Variants in RAPH1 observed in about 807,000 individuals in gnomAD.
RAPH1 encodes Ras association (RalGDS/AF-6) and pleckstrin homology domains 1.
In RAPH1, 18 loss-of-function variants were observed where a neutral mutation model predicts 88.1. The ratio of observed to expected loss-of-function variants is 0.20; its 90% CI spans 0.14 to 0.30. RAPH1 has a LOEUF of 0.30. RAPH1 is among the 10% of genes least tolerant of loss of function. The pLI is 1.00. For synonymous variants in RAPH1, 587 were observed against 559.0 expected (o/e 1.05, Z -0.71); for missense variants, 1,448 against 1,543.2 (o/e 0.94, Z 1.03).
At chr2:203,461,551 T>C in intron 5 of RAPH1, 143 bp from the exon 6 acceptor site, 1 of 583,284 alleles carries the variant, frequency 1.7e-6, no homozygotes, top group African/African-American at 1.9e-5. Context: ...TGCAAAAATA[T>C]AGGCTAAAAA....
At chr2:203,487,276 T>C (rs1688012462) in intron 4 of RAPH1, among the ~76,000 whole-genome samples, 1 of 152,158 alleles carries the variant, frequency 6.6e-6, no homozygotes, top group Admixed American at 6.5e-5. Flanking sequence ...CCTAATAAAA[T>C]ATTGCTCATA....
intron 4 of RAPH1, among the ~76,000 whole-genome samples, chr2:203,464,444 T>A (rs1006250987): frequency 6.6e-6 from 1 of 152,204 alleles, no homozygotes; most frequent in Non-Finnish European, 1.5e-5. Context: ...GCTAATTTTG[T>A]ATTTTTAGAA....
chr2:203,459,309 A>G (rs1316564872), intron 7 of RAPH1, among the ~76,000 whole-genome samples: 3 of 152,220 alleles, frequency 2.0e-5, no homozygotes, highest in Non-Finnish European at 2.9e-5. Flanking sequence ...CACTGCTGCT[A>G]TTTTTCTTCA....
At chr2:203,473,061 CATGG>C (rs2098534502) in intron 4 of RAPH1, among the ~76,000 whole-genome samples, 1 of 152,116 alleles carries the variant, frequency 6.6e-6, no homozygotes, top group Non-Finnish European at 1.5e-5. Context: ...TTATATCCTG[CATGG>C]ATGGTTACGT....
At chr2:203,502,636 A>G (rs1688786460) in intron 1 of RAPH1, among the ~76,000 whole-genome samples, 1 of 148,854 alleles carries the variant, frequency 6.7e-6, no homozygotes, top group Non-Finnish European at 1.5e-5. Context: ...CCTGGCTAAC[A>G]CGGTGAAACC....
At chr2:203,516,199 A>G (rs1343550189) in intron 1 of RAPH1, among the ~76,000 whole-genome samples, 1 of 152,208 alleles carries the variant, frequency 6.6e-6, no homozygotes, top group Non-Finnish European at 1.5e-5. Flanking sequence ...GTGGATTTCA[A>G]TTAGTTGTAT....
intron 1 of RAPH1, among the ~76,000 whole-genome samples, chr2:203,503,169 A>C (rs576183002): frequency 4.6e-5 from 7 of 152,284 alleles, no homozygotes; most frequent in South Asian, 2.1e-4. Context: ...AACAAACAAA[A>C]AAATGAAAAT....
Position 203,506,832 on chromosome 2 carries a change from C to CTATATATATATCTAGATATA in RAPH1, c.1-11480_1-11479insTATATCTAGATATATATATA, listed in dbSNP as rs1553630461. On this transcript the variant is annotated intron_variant, in intron 1 of 13. Coordinates refer to ENST00000319170, the MANE Select transcript of RAPH1 (RefSeq NM_213589.3). ...TATATCTATATATCTATATATATAT[C>CTATATATATATCTAGATATA]TATATCTATATATCTATCTATATCT... is the stretch of plus-strand genomic sequence containing the variant. Among the ~76,000 whole-genome samples the CTATATATATATCTAGATATA allele has an allele frequency of 2.6e-4, 3 of 11,696 alleles. No individual in the cohort carries two copies. The South Asian group carries it at 9.7e-3, about 38-fold the overall frequency. 7.7% of individuals were successfully genotyped at this position (11,696 alleles called of 152,430 possible).
At position 203,480,930 on chromosome 2, in the gene RAPH1, G is replaced by A. The variant is rs139228247; in HGVS notation, c.732+8654C>T. Among the ~76,000 whole-genome samples, 18 of 152,184 alleles carry A rather than the reference G, an allele frequency of 1.2e-4. No individual in the cohort carries two copies. In the East Asian group the frequency reaches 1.7e-3, roughly 15 times the overall value. ...AATCTGTTTCCTCACATGTAAAATC[G>A]GGGTACTCACAGCATTGATCTTCAA... On this transcript the variant is annotated intron_variant, in intron 4 of 13. Transcript: ENST00000319170.
rs992147501 is a variant in RAPH1 at position 203,438,521 on chromosome 2, T to G, written c.*916A>C. ...CCAAAGACATACTGGGACAGAACATTACAGAGATAACTGTGTTATCCATCC... is the reference window on the plus strand; with the variant it reads ...CCAAAGACATACTGGGACAGAACATGACAGAGATAACTGTGTTATCCATCC... On this transcript the variant is annotated 3_prime_UTR_variant, in exon 14 of 14. Coordinates refer to ENST00000319170, the MANE Select transcript of RAPH1 (RefSeq NM_213589.3). 9.7e-6 allele frequency: 2 copies of G among 205,720 alleles called. No homozygotes were observed. The highest frequency in any genetic ancestry group is 4.7e-5 in the African/African-American group (2 of 42,468). 12.7% of individuals were successfully genotyped at this position (205,720 alleles called of 1,614,324 possible).
intron 1 of RAPH1, among the ~76,000 whole-genome samples, chr2:203,515,542 A>C (rs1408958557): frequency 6.6e-6 from 1 of 152,208 alleles, no homozygotes; most frequent in African/African-American, 2.4e-5. Context: ...ACTGTTTGGT[A>C]TGCATTGCCA....
At chr2:203,475,452 G>A (rs1037142329) in intron 4 of RAPH1, among the ~76,000 whole-genome samples, 2 of 151,934 alleles carry the variant, frequency 1.3e-5, no homozygotes, top group African/African-American at 4.8e-5. Flanking sequence ...AATCTACACT[G>A]TAAAAAAAAT....
intron 4 of RAPH1, among the ~76,000 whole-genome samples, chr2:203,472,754 A>C (rs1324803312): frequency 6.6e-6 from 1 of 152,204 alleles, no homozygotes; most frequent in Non-Finnish European, 1.5e-5. Context: ...ATGATTTGGT[A>C]AATGTAATTC....
chr2:203,451,759 C>G (rs1208233231), intron 10 of RAPH1, among the ~76,000 whole-genome samples: 2 of 152,184 alleles, frequency 1.3e-5, no homozygotes, highest in Non-Finnish European at 2.9e-5. Context: ...CCACTTCTTT[C>G]CTGGCAGAGC....
At chr2:203,458,955 G>C (rs944055622) in intron 7 of RAPH1, among the ~76,000 whole-genome samples, 2 of 151,972 alleles carry the variant, frequency 1.3e-5, no homozygotes, top group Non-Finnish European at 2.9e-5. Context: ...GTAGAGACAG[G>C]GTTTCACCGT....
intron 4 of RAPH1, among the ~76,000 whole-genome samples, chr2:203,487,312 T>A (rs768361918): frequency 6.6e-6 from 1 of 152,140 alleles, no homozygotes. Context: ...CTAAAGGACA[T>A]GAAATGATAC....
At chr2:203,505,089 C>T (rs998229228) in intron 1 of RAPH1, among the ~76,000 whole-genome samples, 4 of 152,182 alleles carry the variant, frequency 2.6e-5, no homozygotes, top group African/African-American at 9.7e-5. Flanking sequence ...CCAAACTGTT[C>T]CAGCCTCTGC....
At chr2:203,495,074 T>C (rs1688452853) in intron 2 of RAPH1, 160 bp downstream of exon 2, 1 of 663,552 alleles carries the variant, frequency 1.5e-6, no homozygotes, top group African/African-American at 1.8e-5. Flanking sequence ...TAATATCTTC[T>C]GTTCTAGAAT....
intron 1 of RAPH1, among the ~76,000 whole-genome samples, chr2:203,527,454 C>T (rs968209671): frequency 6.6e-6 from 1 of 152,014 alleles, no homozygotes; most frequent in Admixed American, 6.6e-5. Context: ...CTACGAGAGA[C>T]TGGTATTCCA....
Sources: gnomAD v4.1 joint callset for allele counts (sites outside exome capture counted in the v4.1 genomes callset) on GRCh38, gnomAD v4.1.1 for gene constraint, MANE v1.5 for transcripts, NCBI Gene and HGNC (gene_info 2026-07-23, HGNC 2026-07-21) for gene names.